The following CTNNA2 variants were observed in gnomAD, a reference collection of about 807,000 sequenced individuals.
The protein encoded by CTNNA2 is catenin alpha-2.
A neutral mutation model predicts 101.0 loss-of-function variants in CTNNA2; 42 were observed. The observed-to-expected ratio is 0.42, with a 90% CI of 0.32 to 0.54. The LOEUF (loss-of-function observed/expected upper bound fraction) is 0.54, where lower values mean the gene tolerates loss of function less well. Among genes scored for constraint, CTNNA2 ranks in the 20% least tolerant of loss-of-function variants. The probability of loss-of-function intolerance (pLI) is 0.14; values close to 1 mark genes in which losing one functional copy is unlikely to be tolerated. For synonymous variants in CTNNA2, 450 were observed against 456.4 expected (o/e 0.99, Z 0.18); for missense variants, 871 against 1,223.1 (o/e 0.71, Z 4.29).
chr2:79,565,244 GA>G (rs1675035766), intron 1 of CTNNA2, among the ~76,000 whole-genome samples: 1 of 88,850 alleles, frequency 1.1e-5, no homozygotes, highest in African/African-American at 4.0e-5. Flanking sequence ...TTTATTGGGT[GA>G]AAAGGAAAAA....
intron 17 of CTNNA2, among the ~76,000 whole-genome samples, chr2:80,616,220 G>A (rs568926676): frequency 2.0e-5 from 3 of 151,692 alleles, no homozygotes; most frequent in South Asian, 2.1e-4. Flanking sequence ...GGTCAACATC[G>A]TCTTTTAAGA....
intron 1 of CTNNA2, among the ~76,000 whole-genome samples, chr2:79,626,990 G>A (rs1015001446): frequency 6.6e-6 from 1 of 152,172 alleles, no homozygotes; most frequent in Non-Finnish European, 1.5e-5. Context: ...TGATAAAGAA[G>A]TATAATTAGA....
intron 18 of CTNNA2, among the ~76,000 whole-genome samples, chr2:80,631,556 A>G (rs1672300607): frequency 6.6e-6 from 1 of 151,920 alleles, no homozygotes; most frequent in Admixed American, 6.6e-5. Context: ...ATTGAAGGGA[A>G]CCCTTTGGCG....
At chr2:80,579,445 G>A (rs1260366528) in intron 13 of CTNNA2, 1 of 152,138 alleles carries the variant, frequency 6.6e-6, no homozygotes, top group Non-Finnish European at 1.5e-5. Context: ...TCATCTGTCA[G>A]CTGAATTTAC....
chr2:79,514,020 C>T (rs879459913), intron 1 of CTNNA2, among the ~76,000 whole-genome samples: 2 of 152,120 alleles, frequency 1.3e-5, no homozygotes, highest in Non-Finnish European at 2.9e-5. Flanking sequence ...TTTCAAACCA[C>T]CCGCCTCATA....
intron 2 of CTNNA2, among the ~76,000 whole-genome samples, chr2:79,679,694 C>T (rs904911414): frequency 2.1e-4 from 32 of 152,156 alleles, no homozygotes; most frequent in African/African-American, 7.0e-4. Flanking sequence ...TATTTTAACT[C>T]TTTCAATGTC....
At chr2:79,186,836 G>C (rs891107631) in intron 1 of CTNNA2, among the ~76,000 whole-genome samples, 6 of 152,174 alleles carry the variant, frequency 3.9e-5, no homozygotes, top group African/African-American at 1.4e-4. Context: ...TCCCAGGGAA[G>C]GGTTTTCATT....
At chr2:79,982,192 CTA>C (rs70940064) in intron 7 of CTNNA2, among the ~76,000 whole-genome samples, 307 of 74,652 alleles carry the variant, frequency 4.1e-3, no homozygotes, top group Admixed American at 7.4e-3. Flanking sequence ...GCATGTGCCA[CTA>C]TATATATATA....
intron 9 of CTNNA2, among the ~76,000 whole-genome samples, chr2:80,426,681 G>A (rs571186571): frequency 1.1e-4 from 16 of 152,118 alleles, no homozygotes; most frequent in Middle Eastern, 3.4e-3. Context: ...AGAAGCTTAC[G>A]TGGCTTTCAG....
At chr2:80,416,132 A>G (rs1302024352) in intron 8 of CTNNA2, among the ~76,000 whole-genome samples, 1 of 152,092 alleles carries the variant, frequency 6.6e-6, no homozygotes, top group African/African-American at 2.4e-5. Flanking sequence ...TGAGAATCTA[A>G]TATACACCAT....
chr2:80,232,817 A>G (rs1709333302), intron 7 of CTNNA2, among the ~76,000 whole-genome samples: 1 of 152,052 alleles, frequency 6.6e-6, no homozygotes, highest in Non-Finnish European at 1.5e-5. Context: ...CTATAACCAA[A>G]CAACCTTGAC....
At chr2:80,473,505 T>C (rs1685478404) in intron 9 of CTNNA2, among the ~76,000 whole-genome samples, 1 of 152,234 alleles carries the variant, frequency 6.6e-6, no homozygotes, top group African/African-American at 2.4e-5. Context: ...CTCTGTAATA[T>C]GTTTTATAAA....
intron 1 of CTNNA2, among the ~76,000 whole-genome samples, chr2:79,597,388 T>C (rs1330251384): frequency 1.3e-5 from 2 of 149,880 alleles, no homozygotes; most frequent in South Asian, 2.1e-4. Context: ...AGGAGAATGG[T>C]GTGAACCCAG....
chr2:79,910,939 T>C (rs1558634071), intron 7 of CTNNA2, among the ~76,000 whole-genome samples: 1 of 152,182 alleles, frequency 6.6e-6, no homozygotes, highest in Non-Finnish European at 1.5e-5. Flanking sequence ...TGAGAAAACC[T>C]AACAAACTAA....
At chr2:80,457,293 A>G (rs1684062705) in intron 9 of CTNNA2, among the ~76,000 whole-genome samples, 1 of 151,958 alleles carries the variant, frequency 6.6e-6, no homozygotes, top group Admixed American at 6.6e-5. Context: ...CAAACTCCTG[A>G]CCTCAGGTTT....
chr2:79,204,913 G>T (rs1674082550), intron 2 of CTNNA2, among the ~76,000 whole-genome samples: 1 of 152,232 alleles, frequency 6.6e-6, no homozygotes, highest in African/African-American at 2.4e-5. Context: ...CTTGCATCAG[G>T]CACCGCCTGC....
chr2:80,097,188 T>C (rs1016708604), intron 7 of CTNNA2, among the ~76,000 whole-genome samples: 3 of 152,196 alleles, frequency 2.0e-5, no homozygotes, highest in Non-Finnish European at 2.9e-5. Flanking sequence ...ATGAGCTCTT[T>C]TATGGCAGGC....
chr2:79,493,531 G>A (rs1176391254), intron 4 of CTNNA2, among the ~76,000 whole-genome samples: 7 of 152,062 alleles, frequency 4.6e-5, no homozygotes, highest in East Asian at 1.9e-4. Context: ...CAGAAGAATC[G>A]CTTGAACCCG....
At chr2:80,116,683 C>T (rs1160955156) in intron 7 of CTNNA2, among the ~76,000 whole-genome samples, 2 of 152,046 alleles carry the variant, frequency 1.3e-5, no homozygotes, top group Admixed American at 1.3e-4. Context: ...AGGATGACAG[C>T]CAGGTTTCTA....
Sources: allele counts gnomAD v4.1 joint callset (sites outside exome capture counted in the v4.1 genomes callset), GRCh38; gene constraint gnomAD v4.1.1; transcripts MANE v1.5; gene names NCBI Gene and HGNC (gene_info 2026-07-23, HGNC 2026-07-21).